KCNQ1: variants seen among roughly 807,000 people sequenced by gnomAD.
KCNQ1 encodes the protein potassium voltage-gated channel subfamily KQT member 1.
KCNQ1 carries 49 observed loss-of-function variants against 72.4 expected under a neutral mutation model. The ratio of observed to expected loss-of-function variants is 0.68; its 90% confidence interval spans 0.54 to 0.86. KCNQ1 has a LOEUF of 0.86. Among genes scored for constraint, KCNQ1 ranks in the 40% least tolerant of loss-of-function variants. The pLI, the probability that KCNQ1 is intolerant of heterozygous loss-of-function variation, is 0.00. For synonymous variants in KCNQ1, 450 were observed against 412.6 expected, an observed-to-expected ratio of 1.09 and a Z score of -1.10; for missense variants, 790 against 945.1, an observed-to-expected ratio of 0.84 and a Z score of 2.15.
chr11:2,540,871 T>G (rs1417557328), intron 2 of KCNQ1, among the ~76,000 whole-genome samples: 1 of 152,206 alleles, frequency 6.6e-6, no homozygotes, highest in Admixed American at 6.5e-5. Flanking sequence ...TGTGAGCTGG[T>G]GGTGAGTTTT....
rs1228621004 is a variant in KCNQ1, at chr11:2,653,580, C to T, written c.1394-8381C>T. On this transcript the variant is annotated intron_variant, in intron 10 of 15. Coordinates refer to ENST00000155840, the MANE Select transcript of KCNQ1 (RefSeq NM_000218.3). The surrounding 1 kb of genome is among the most constrained non-coding windows in gnomAD (Gnocchi z 5.3). ...CTTCCCGTTCCCTCTTTTGTTCTCC[C>T]TTTCCCTTGCTCTCTATCCATTGGC... The T allele has an allele frequency of 1.3e-5, 5 of 398,682 alleles. No homozygotes were observed. The Admixed American group carries it at 1.8e-4, about 14-fold the overall frequency. The allele number at this position is 398,682 out of a possible 1,614,324, so 24.7% of individuals were successfully genotyped here.
chr11:2,726,659 A>G (rs574251061), intron 11 of KCNQ1, among the ~76,000 whole-genome samples: 1 of 152,280 alleles, frequency 6.6e-6, no homozygotes, highest in African/African-American at 2.4e-5. Flanking sequence ...AGGGAGGAAT[A>G]GTAGTTTATA....
chr11:2,731,961 G>T (rs184352029), intron 11 of KCNQ1, among the ~76,000 whole-genome samples: 1 of 152,378 alleles, frequency 6.6e-6, no homozygotes, highest in Non-Finnish European at 1.5e-5. Context: ...GAGGGAGGCC[G>T]CCTTGCCAGC....
At chr11:2,570,848 G>A in intron 3 of KCNQ1, 94 bp downstream of exon 3, 2 of 1,569,974 alleles carry the variant, frequency 1.3e-6, no homozygotes, top group Non-Finnish European at 1.7e-6. Context: ...GTCCCCTAAG[G>A]ACTGGGGAAC....
At chr11:2,548,290 C>T (rs887793039) in intron 2 of KCNQ1, among the ~76,000 whole-genome samples, 2 of 152,164 alleles carry the variant, frequency 1.3e-5, no homozygotes, top group Non-Finnish European at 2.9e-5. Flanking sequence ...AGACTGGGAA[C>T]GTCTTTTGCT....
Position 2,848,306 on chromosome 11 carries a change from G to A in KCNQ1, c.*303G>A, listed in dbSNP as rs1398089641. 4 of 624,968 alleles carry A rather than the reference G, an allele frequency of 6.4e-6. No individual in the cohort carries two copies. Among genetic ancestry groups the A allele is most frequent in the African/African-American group, 3.6e-5 (2 of 55,608 alleles). 38.7% of individuals were successfully genotyped at this position (624,968 alleles called of 1,614,324 possible). ...ATGGTGGTTGGGACCCAGTGGCAGG[G>A]CACAGGGCCTGGCCCATGTATGGCC... On this transcript the variant is annotated 3_prime_UTR_variant, in exon 16 of 16. Transcript: ENST00000155840.
chr11:2,655,039 A>G, intron 10 of KCNQ1: 1 of 398,634 alleles, frequency 2.5e-6, no homozygotes, highest in Non-Finnish European at 4.4e-6. Context: ...AGACAAAGTT[A>G]ACATTTGGAT....
In KCNQ1 at chr11:2,621,299, A is replaced by T. The variant is rs1849168388; in HGVS notation, c.1393+32445A>T. On this transcript the variant is annotated intron_variant, in intron 10 of 15. Coordinates refer to ENST00000155840, the MANE Select transcript of KCNQ1 (RefSeq NM_000218.3). The surrounding 1 kb of genome is among the most constrained non-coding windows in gnomAD (Gnocchi z 5.7). ...GGCCTCATTATTTGCATTTCTGATT[A>T]TTAGTGATCATGAGAATGTTTTTTT... 1 of 398,512 alleles carries T rather than the reference A, an allele frequency of 2.5e-6. No homozygotes were observed. Among genetic ancestry groups the T allele is most frequent in the East Asian group, 3.6e-5 (1 of 28,074 alleles). The allele number at this position is 398,512 out of a possible 1,614,324, so 24.7% of individuals were successfully genotyped here.
chr11:2,691,108 G>A lies in KCNQ1; in HGVS notation c.1514+29027G>A. On this transcript the variant is annotated intron_variant, in intron 11 of 15. Coordinates refer to ENST00000155840, the MANE Select transcript of KCNQ1 (RefSeq NM_000218.3). This position sits in a 1 kb window ranked among gnomAD's most constrained non-coding sequence, Gnocchi z 6.4. Reference sequence around the variant, plus strand: ...GCCTGCAGATTCCTGACAACAGTAGGGGTGGAGGCTGTGCAGACCTGGTGC... The same window carrying A: ...GCCTGCAGATTCCTGACAACAGTAGAGGTGGAGGCTGTGCAGACCTGGTGC... 1 of 398,692 alleles carries A rather than the reference G, an allele frequency of 2.5e-6. No individual in the cohort carries two copies. Among genetic ancestry groups the A allele is most frequent in the Non-Finnish European group, 4.4e-6 (1 of 226,114 alleles). 24.7% of individuals were successfully genotyped at this position (398,692 alleles called of 1,614,324 possible). A position where few individuals can be genotyped will look rare whatever the true frequency, so the allele number is the denominator to read the frequency against.
rs961663325 is a variant in KCNQ1 at position 2,769,058 on chromosome 11, A to G, written c.1590+139A>G. ...GCCCCCAAGCCACACAGGCAGGCCT[A>G]TCTGAGACCTGACAGTGCCTACCCC... On this transcript the variant is annotated intron_variant, in intron 12 of 15. Transcript: ENST00000155840. This position sits in a 1 kb window ranked among gnomAD's most constrained non-coding sequence, Gnocchi z 4.6. 1 of 771,874 alleles carries G rather than the reference A, an allele frequency of 1.3e-6. No homozygotes were observed. The highest frequency in any genetic ancestry group is 1.5e-5 in the South Asian group (1 of 68,538). The allele number at this position is 771,874 out of a possible 1,614,324, so 47.8% of individuals were successfully genotyped here. A position where few individuals can be genotyped will look rare whatever the true frequency, so the allele number is the denominator to read the frequency against.
rs537031160 is a variant in KCNQ1 at position 2,712,723 on chromosome 11, A to G, written c.1514+50642A>G. The stretch of plus-strand genomic sequence containing the variant: ...CACTCCAGCCTCAGCCTTCCTTGCC[A>G]TCCGCAACCACACCAGTGGCTGGAA... On this transcript the variant is annotated intron_variant, in intron 11 of 15. Transcript: ENST00000155840. This position sits in a 1 kb window ranked among gnomAD's most constrained non-coding sequence, Gnocchi z 6.4. Among the ~76,000 whole-genome samples, 2 of 152,172 alleles carry G rather than the reference A, an allele frequency of 1.3e-5. No individual in the cohort carries two copies. Among genetic ancestry groups the G allele is most frequent in the South Asian group, 4.1e-4 (2 of 4,834 alleles).
Position 2,565,470 on chromosome 11 carries a change from T to C in KCNQ1, c.478-5158T>C, listed in dbSNP as rs1036704715. Among the ~76,000 whole-genome samples, 1 of 152,218 alleles carries C rather than the reference T, an allele frequency of 6.6e-6. No individual in the cohort carries two copies. Among genetic ancestry groups the C allele is most frequent in the African/African-American group, 2.4e-5 (1 of 41,456 alleles). On this transcript the variant is annotated intron_variant, in intron 2 of 15. Coordinates refer to ENST00000155840, the MANE Select transcript of KCNQ1 (RefSeq NM_000218.3). The surrounding 1 kb of genome is among the most constrained non-coding windows in gnomAD (Gnocchi z 5.6). Reference sequence around the variant, plus strand: ...TTTGCCTATTTTTTAAAAATTGAGTTGTTAGGAACTTTGGTTTTTTAAATA... The same window carrying C: ...TTTGCCTATTTTTTAAAAATTGAGTCGTTAGGAACTTTGGTTTTTTAAATA...
In KCNQ1 at chr11:2,613,916, T is replaced by G; in HGVS notation, c.1393+25062T>G. 2.5e-6 allele frequency: 1 copy of G among 398,580 alleles called. No homozygotes were observed. The highest frequency in any genetic ancestry group is 4.4e-6 in the Non-Finnish European group (1 of 226,044). 24.7% of individuals were successfully genotyped at this position (398,580 alleles called of 1,614,324 possible). On this transcript the variant is annotated intron_variant, in intron 10 of 15. Transcript: ENST00000155840. This position sits in a 1 kb window ranked among gnomAD's most constrained non-coding sequence, Gnocchi z 4.8. Reference sequence around the variant, plus strand: ...CATTTCCCAAAAAAGTACTATTCTGTATATGCCCTTTTGAACTTTGCTTTT... The same window carrying G: ...CATTTCCCAAAAAAGTACTATTCTGGATATGCCCTTTTGAACTTTGCTTTT...
At position 2,593,067 on chromosome 11, in the gene KCNQ1, C is replaced by T. The variant is rs1237795759; in HGVS notation, c.1393+4213C>T. 6.6e-6 allele frequency among the ~76,000 whole-genome samples: 1 copy of T among 152,232 alleles called. No homozygotes were observed. On this transcript the variant is annotated intron_variant, in intron 10 of 15. Transcript: ENST00000155840. The surrounding 1 kb of genome is among the most constrained non-coding windows in gnomAD (Gnocchi z 6.9). ...CACCATTGACCAGGTTGTCCAGTCC[C>T]CTCCTCATAGGGGAGTGGCCCTTTG...
chr11:2,613,529 C>T lies in KCNQ1; in HGVS notation c.1393+24675C>T, dbSNP rs544927222. 23 of 398,450 alleles carry T rather than the reference C, an allele frequency of 5.8e-5. No homozygotes were observed. The highest frequency in any genetic ancestry group is 1.3e-3 in the Middle Eastern group (2 of 1,588). 24.7% of individuals were successfully genotyped at this position (398,450 alleles called of 1,614,324 possible). A position where few individuals can be genotyped will look rare whatever the true frequency, so the allele number is the denominator to read the frequency against. On this transcript the variant is annotated intron_variant, in intron 10 of 15. Coordinates refer to ENST00000155840, the MANE Select transcript of KCNQ1 (RefSeq NM_000218.3). This position sits in a 1 kb window ranked among gnomAD's most constrained non-coding sequence, Gnocchi z 4.8. The stretch of plus-strand genomic sequence containing the variant: ...CTTGGGTGGGGAGATGGCAGCCCCA[C>T]GTTAAATCATAACCCTGCTATTCTT...
chr11:2,710,080 G>A lies in KCNQ1; in HGVS notation c.1514+47999G>A, dbSNP rs1850979384. ...ATCTGCCAGACTGTTTTCCAATGTGGCAGCACCATTTTGCATTCCCACCAG... is the reference window on the plus strand; with the variant it reads ...ATCTGCCAGACTGTTTTCCAATGTGACAGCACCATTTTGCATTCCCACCAG... On this transcript the variant is annotated intron_variant, in intron 11 of 15. Transcript: ENST00000155840. This position sits in a 1 kb window ranked among gnomAD's most constrained non-coding sequence, Gnocchi z 4.1. Among the ~76,000 whole-genome samples, 1 of 152,140 alleles carries A rather than the reference G, an allele frequency of 6.6e-6. No homozygotes were observed. The highest frequency in any genetic ancestry group is 1.5e-5 in the Non-Finnish European group (1 of 68,022).
In KCNQ1 at chr11:2,450,890, C is replaced by T. The variant is rs1846111303; in HGVS notation, c.386+5406C>T. Among the ~76,000 whole-genome samples, 1 of 152,128 alleles carries T rather than the reference C, an allele frequency of 6.6e-6. No individual in the cohort carries two copies. Among genetic ancestry groups the T allele is most frequent in the East Asian group, 1.9e-4 (1 of 5,180 alleles). On this transcript the variant is annotated intron_variant, in intron 1 of 15. Coordinates refer to ENST00000155840, the MANE Select transcript of KCNQ1 (RefSeq NM_000218.3). This position sits in a 1 kb window ranked among gnomAD's most constrained non-coding sequence, Gnocchi z 7.9. The stretch of plus-strand genomic sequence containing the variant: ...CTGGCCCAGCCCTCTTCTGGGAGCC[C>T]CACGTGGGTGGGTGCTGGCTGGGGA...
chr11:2,717,011 G>A (rs1417331815), intron 11 of KCNQ1, among the ~76,000 whole-genome samples: 1 of 152,200 alleles, frequency 6.6e-6, no homozygotes, highest in Non-Finnish European at 1.5e-5. Context: ...CGCCAGCACA[G>A]CCATGGTCCT....
chr11:2,585,847 G>T (rs1848584818), intron 8 of KCNQ1, among the ~76,000 whole-genome samples: 1 of 152,210 alleles, frequency 6.6e-6, no homozygotes, highest in African/African-American at 2.4e-5. Context: ...TGGAGCAACA[G>T]GGGCAGGAAG....
Sources: gnomAD v4.1 joint callset for allele counts (sites outside exome capture counted in the v4.1 genomes callset) on GRCh38, gnomAD v4.1.1 for gene constraint, Gnocchi (gnomAD v3.1) non-coding constraint, MANE v1.5 for transcripts, NCBI Gene and HGNC (gene_info 2026-07-23, HGNC 2026-07-21) for gene names.